The following MMP26 variants were observed in gnomAD, a reference collection of about 807,000 sequenced individuals.
MMP26 encodes the protein matrix metallopeptidase 26, also known as matrix metalloproteinase-26.
Under a neutral mutation model 31.0 loss-of-function variants are expected in MMP26, and 33 were observed. The ratio of observed to expected loss-of-function variants is 1.06; its 90% confidence interval spans 0.81 to 1.42. The LOEUF (loss-of-function observed/expected upper bound fraction) is 1.42, where lower values mean the gene tolerates loss of function less well. MMP26 is among the 40% of genes most tolerant of loss of function. The probability of loss-of-function intolerance (pLI) is 0.00; values close to 1 mark genes in which losing one functional copy is unlikely to be tolerated. For missense variants in MMP26, 347 were observed against 316.1 expected (o/e 1.10, Z -0.74); for synonymous variants, 122 against 114.9 (o/e 1.06, Z -0.40).
At chr11:4,716,517 CGTT>C (rs1266891758) in intron 1 of MMP26, among the ~76,000 whole-genome samples, 2 of 151,900 alleles carry the variant, frequency 1.3e-5, no homozygotes, top group African/African-American at 2.4e-5. Flanking sequence ...CTAAGAAGAA[CGTT>C]GTTCTTGTTG....
At chr11:4,957,668 C>A (rs923451542) in intron 2 of MMP26, among the ~76,000 whole-genome samples, 3 of 152,004 alleles carry the variant, frequency 2.0e-5, no homozygotes, top group Non-Finnish European at 4.4e-5. Context: ...TCATTTATCA[C>A]ACACACTTCT....
chr11:4,868,785 G>C (rs1850272894), intron 2 of MMP26, among the ~76,000 whole-genome samples: 1 of 152,156 alleles, frequency 6.6e-6, no homozygotes, highest in South Asian at 2.1e-4. Flanking sequence ...AAAGAACAAA[G>C]CTGGAGGCAT....
chr11:4,799,074 C>T (rs369010147), intron 2 of MMP26, among the ~76,000 whole-genome samples: 109 of 152,230 alleles, frequency 7.2e-4, no homozygotes, highest in African/African-American at 1.3e-3. Flanking sequence ...GGTCTCTGCC[C>T]GCCTACAAAT....
At chr11:4,837,211 CATTT>C (rs1849731182) in intron 2 of MMP26, among the ~76,000 whole-genome samples, 2 of 152,138 alleles carry the variant, frequency 1.3e-5, no homozygotes, top group South Asian at 4.1e-4. Context: ...ACCAACCTAA[CATTT>C]ATTTATTTTT....
chr11:4,950,608 G>A (rs1335016216), intron 2 of MMP26, among the ~76,000 whole-genome samples: 1 of 121,892 alleles, frequency 8.2e-6, no homozygotes, highest in Non-Finnish European at 1.9e-5. Context: ...AGCACAGCAT[G>A]CTGAATATAG....
At chr11:4,850,792 C>A (rs1308116809) in intron 2 of MMP26, among the ~76,000 whole-genome samples, 2 of 150,846 alleles carry the variant, frequency 1.3e-5, no homozygotes, top group African/African-American at 2.4e-5. Flanking sequence ...ATCCCACAGA[C>A]TTTTAAAAAG....
intron 2 of MMP26, chr11:4,860,206 A>G (rs558305949): frequency 2.5e-5 from 12 of 470,986 alleles, no homozygotes; most frequent in Non-Finnish European, 4.4e-5. Context: ...GTCAAAGGCC[A>G]TGGACACTAG....
chr11:4,821,422 A>G (rs578160267), intron 2 of MMP26: 14 of 1,613,820 alleles, frequency 8.7e-6, no homozygotes, highest in South Asian at 7.7e-5. Context: ...GTGCTTCCCT[A>G]TGTCGGTCCT....
At chr11:4,855,699 T>A (rs1408707014) in intron 2 of MMP26, among the ~76,000 whole-genome samples, 2 of 152,066 alleles carry the variant, frequency 1.3e-5, no homozygotes, top group Non-Finnish European at 2.9e-5. Context: ...AGACCAACAT[T>A]CAAATTCAGG....
intron 2 of MMP26, among the ~76,000 whole-genome samples, chr11:4,925,259 C>G (rs1851254114): frequency 6.6e-6 from 1 of 152,078 alleles, no homozygotes. Context: ...ACTGCAAAGT[C>G]TATGTTATTG....
intron 2 of MMP26, among the ~76,000 whole-genome samples, chr11:4,880,582 T>G (rs975565770): frequency 5.3e-5 from 8 of 152,150 alleles, no homozygotes; most frequent in African/African-American, 1.9e-4. Flanking sequence ...AATGAAGATT[T>G]CTGTTTTTCC....
At chr11:4,914,759 T>C (rs768541909) in intron 2 of MMP26, 8 of 1,613,604 alleles carry the variant, frequency 5.0e-6, no homozygotes, top group Non-Finnish European at 5.9e-6. Context: ...CCGGATCTGT[T>C]TGGTCTTCAC....
chr11:4,804,551 T>A, intron 2 of MMP26: 1 of 779,746 alleles, frequency 1.3e-6, no homozygotes, highest in Non-Finnish European at 2.4e-6. Context: ...ATAAATAATA[T>A]GTTACAACAT....
At chr11:4,760,684 A>G (rs1001133946) in intron 1 of MMP26, among the ~76,000 whole-genome samples, 1 of 152,198 alleles carries the variant, frequency 6.6e-6, no homozygotes, top group Non-Finnish European at 1.5e-5. Context: ...GATTTCATGG[A>G]GCCAGTGTGT....
chr11:4,898,833 G>C (rs10768354), intron 2 of MMP26, among the ~76,000 whole-genome samples: 131 of 7,752 alleles, frequency 0.017, no homozygotes, highest in African/African-American at 0.035. Context: ...CTCTCTCTCT[G>C]TGTGTGTGTG....
At chr11:4,838,178 C>T (rs924602359) in intron 2 of MMP26, among the ~76,000 whole-genome samples, 2 of 150,066 alleles carry the variant, frequency 1.3e-5, no homozygotes, top group African/African-American at 2.4e-5. Flanking sequence ...ATTAGCCGGG[C>T]GTGGTGGTGG....
intron 2 of MMP26, among the ~76,000 whole-genome samples, chr11:4,971,762 T>A (rs1846669252): frequency 6.6e-6 from 1 of 152,180 alleles, no homozygotes; most frequent in Admixed American, 6.5e-5. Context: ...CACCAATATC[T>A]GGTTCTGGCG....
chr11:4,730,316 G>A lies in MMP26; in HGVS notation c.-217+25271G>A, dbSNP rs112179013. ...GAATCAGTATTGGAAGGGGATGACA[G>A]ACATTAATAGCACCACTAAAGAGCC... On this transcript the variant is annotated intron_variant, in intron 1 of 7. Transcript: ENST00000380390. Among the ~76,000 whole-genome samples the A allele has an allele frequency of 1.3e-3, 201 of 152,170 alleles. 1 individual carries two copies. Among genetic ancestry groups the A allele is most frequent in the African/African-American group, 4.6e-3 (192 of 41,502 alleles).
intron 1 of MMP26, among the ~76,000 whole-genome samples, chr11:4,746,216 C>A (rs1006767115): frequency 9.9e-5 from 15 of 152,122 alleles, no homozygotes; most frequent in African/African-American, 3.6e-4. Flanking sequence ...TTAGTGATTT[C>A]TATCATTTTA....
Sources: allele counts gnomAD v4.1 joint callset (sites outside exome capture counted in the v4.1 genomes callset), GRCh38; gene constraint gnomAD v4.1.1; transcripts MANE v1.5; gene names NCBI Gene and HGNC (gene_info 2026-07-23, HGNC 2026-07-21).